Variants in DSCAM observed in about 807,000 individuals in gnomAD.
DSCAM encodes the protein cell adhesion molecule DSCAM.
In DSCAM, 47 loss-of-function variants were observed where a neutral mutation model predicts 217.7. The observed-to-expected ratio is 0.22, with a 90% confidence interval of 0.17 to 0.28. The LOEUF (loss-of-function observed/expected upper bound fraction) is 0.28, where lower values mean the gene tolerates loss of function less well. DSCAM is among the 10% of genes least tolerant of loss of function. DSCAM has a pLI of 1.00. For synonymous variants in DSCAM, 1,056 were observed against 1,015.3 expected (o/e 1.04, Z -0.76); for missense variants, 2,080 against 2,618.3 (o/e 0.79, Z 4.49).
chr21:40,403,680 C>A (rs979267324), intron 3 of DSCAM, among the ~76,000 whole-genome samples: 3 of 151,682 alleles, frequency 2.0e-5, no homozygotes, highest in Non-Finnish European at 4.4e-5. Flanking sequence ...ATGCCCTTCT[C>A]TCTGTAGAGC....
intron 8 of DSCAM, among the ~76,000 whole-genome samples, chr21:40,333,539 A>G (rs1057005774): frequency 1.3e-5 from 2 of 152,056 alleles, no homozygotes; most frequent in African/African-American, 4.8e-5. Flanking sequence ...TAATTTTTGT[A>G]TTTTTAGTAG....
At chr21:40,204,320 T>C (rs2146863457) in intron 11 of DSCAM, among the ~76,000 whole-genome samples, 1 of 152,356 alleles carries the variant, frequency 6.6e-6, no homozygotes, top group East Asian at 1.9e-4. Flanking sequence ...TGGATGTGTG[T>C]TTATGTTCAT....
intron 9 of DSCAM, among the ~76,000 whole-genome samples, chr21:40,305,226 C>T (rs1478774030): frequency 6.6e-6 from 1 of 151,794 alleles, no homozygotes; most frequent in South Asian, 2.1e-4. Context: ...CTTGTCTCTA[C>T]TAAAAATAAA....
At chr21:40,230,008 G>C (rs556922697) in intron 11 of DSCAM, among the ~76,000 whole-genome samples, 2 of 152,168 alleles carry the variant, frequency 1.3e-5, no homozygotes, top group Admixed American at 1.3e-4. Flanking sequence ...GATACTATCA[G>C]ATCTTTGGAT....
intron 10 of DSCAM, among the ~76,000 whole-genome samples, chr21:40,295,527 T>C (rs1274723087): frequency 2.0e-5 from 3 of 152,146 alleles, no homozygotes; most frequent in East Asian, 3.9e-4. Flanking sequence ...CAATAGGACA[T>C]TGGGCGTGTT....
intron 8 of DSCAM, among the ~76,000 whole-genome samples, chr21:40,334,896 G>C (rs1009010101): frequency 6.6e-6 from 1 of 151,988 alleles, no homozygotes; most frequent in African/African-American, 2.4e-5. Flanking sequence ...TCACTCAGCA[G>C]AAAACCCCAC....
chr21:40,649,386 C>T (rs138286590), intron 3 of DSCAM, among the ~76,000 whole-genome samples: 1 of 152,326 alleles, frequency 6.6e-6, no homozygotes, highest in East Asian at 1.9e-4. Flanking sequence ...CCCAAGACCA[C>T]ACCACCACCA....
At chr21:40,429,019 AG>A (rs1601636088) in intron 3 of DSCAM, among the ~76,000 whole-genome samples, 1 of 151,500 alleles carries the variant, frequency 6.6e-6, no homozygotes, top group East Asian at 1.9e-4. Context: ...CATACTGTAT[AG>A]GAGGCTCTGA....
intron 1 of DSCAM, among the ~76,000 whole-genome samples, chr21:40,805,729 A>G (rs2091780707): frequency 6.6e-6 from 1 of 150,732 alleles, no homozygotes. Context: ...TTTTTTTTTT[A>G]ATGGAGTCTT....
In DSCAM at chr21:40,401,883, T is replaced by A. The variant is rs529194171; in HGVS notation, c.509-32638A>T. Among the ~76,000 whole-genome samples the A allele has an allele frequency of 2.3e-3, 346 of 151,936 alleles. 2 individuals are homozygous for A. The highest frequency in any genetic ancestry group is 8.0e-3 in the African/African-American group (330 of 41,412). On this transcript the variant is annotated intron_variant, in intron 3 of 32. Transcript: ENST00000400454. ...TCTTGCCAGCTCTCCTTCCTCTTTC[T>A]CCAGAAGTCGGCCCAGCCTTGCTAG...
At chr21:40,636,362 A>T (rs1395669214) in intron 3 of DSCAM, among the ~76,000 whole-genome samples, 4 of 152,112 alleles carry the variant, frequency 2.6e-5, no homozygotes, top group Admixed American at 6.5e-5. Flanking sequence ...AAGAGGTTAA[A>T]TATTAGAGAG....
At chr21:40,792,137 C>CTTTTTTTTTT (rs67838146) in intron 1 of DSCAM, among the ~76,000 whole-genome samples, 10 of 118,604 alleles carry the variant, frequency 8.4e-5, no homozygotes, top group African/African-American at 2.2e-4. Context: ...TCTTCTTCTT[C>CTTTTTTTTTT]TTTTTTTTTT....
chr21:40,670,361 C>A (rs932600665), intron 3 of DSCAM, among the ~76,000 whole-genome samples: 16 of 114,466 alleles, frequency 1.4e-4, no homozygotes, highest in African/African-American at 4.4e-4. Flanking sequence ...CATGGTGAAG[C>A]CTCATCTCTA....
At chr21:40,233,543 C>T (rs932669325) in intron 11 of DSCAM, among the ~76,000 whole-genome samples, 5 of 152,224 alleles carry the variant, frequency 3.3e-5, no homozygotes, top group Non-Finnish European at 7.3e-5. Context: ...AAACACATTA[C>T]GTATGCTGTT....
chr21:40,043,337 T>G (rs1042373471), intron 31 of DSCAM, among the ~76,000 whole-genome samples: 2 of 152,196 alleles, frequency 1.3e-5, no homozygotes, highest in African/African-American at 4.8e-5. Flanking sequence ...CTCCTCTGTG[T>G]GGAACTCTGA....
At chr21:40,305,400 A>AAAAAAAAG (rs966095775) in intron 9 of DSCAM, among the ~76,000 whole-genome samples, 7 of 151,630 alleles carry the variant, frequency 4.6e-5, no homozygotes, top group African/African-American at 1.7e-4. Flanking sequence ...AAAAAAAAAA[A>AAAAAAAAG]AAAAAAAAGG....
chr21:40,134,604 A>T (rs529176630), intron 18 of DSCAM, among the ~76,000 whole-genome samples: 85 of 152,294 alleles, frequency 5.6e-4, no homozygotes, highest in Middle Eastern at 3.4e-3. Context: ...GATCTCCAGA[A>T]CTTATTCATC....
At chr21:40,614,770 C>T (rs1038558796) in intron 3 of DSCAM, among the ~76,000 whole-genome samples, 2 of 152,030 alleles carry the variant, frequency 1.3e-5, no homozygotes, top group Non-Finnish European at 2.9e-5. Context: ...TTCCATGATG[C>T]AGAAGAATAT....
At position 40,187,242 on chromosome 21, in the gene DSCAM, C is replaced by T. The variant is rs372711039; in HGVS notation, c.2668G>A (p.Glu890Lys). 38 of 1,613,760 alleles carry T rather than the reference C, an allele frequency of 2.4e-5. No individual in the cohort carries two copies. The highest frequency in any genetic ancestry group is 3.3e-5 in the Admixed American group (2 of 59,964). ...LTVQEPPDPP[E>K]IEIKDVKART... is the part of the protein sequence containing the mutation. Reference sequence around the variant, plus strand: ...GCTTTGACATCTTTGATCTCAATTTCGGGAGGGTCTGGGGGCTCTGTGCCA... The same window carrying T: ...GCTTTGACATCTTTGATCTCAATTTTGGGAGGGTCTGGGGGCTCTGTGCCA... Residue 890 changes from glutamate to lysine, a missense_variant, in exon 14 of 33, where the codon GAA becomes AAA. Physicochemically the swap from Glu to Lys is moderately conservative, Grantham distance 56. This residue lies in a region of DSCAM where 1,144 missense variants were observed against 1,421.1 expected (regional missense o/e 0.81). Coordinates refer to ENST00000400454, the MANE Select transcript of DSCAM (RefSeq NM_001389.5).
Sources: allele counts gnomAD v4.1 joint callset (sites outside exome capture counted in the v4.1 genomes callset), GRCh38; gene constraint gnomAD v4.1.1; regional missense constraint gnomAD v4.1.1; transcripts MANE v1.5; gene names NCBI Gene and HGNC (gene_info 2026-07-23, HGNC 2026-07-21).